The following TNS3 variants were observed in gnomAD, a reference collection of about 807,000 sequenced individuals.
TNS3 encodes tensin 3.
Under a neutral mutation model 140.9 loss-of-function variants are expected in TNS3, and 45 were observed. The ratio of observed to expected loss-of-function variants is 0.32; its 90% confidence interval spans 0.25 to 0.41. The LOEUF (loss-of-function observed/expected upper bound fraction) is 0.41. TNS3 is among the 10% of genes least tolerant of loss of function. TNS3 has a pLI of 1.00. For missense variants in TNS3, 1,716 were observed against 1,906.7 expected (o/e 0.90, Z 1.86); for synonymous variants, 815 against 788.4 (o/e 1.03, Z -0.56).
At chr7:47,309,398 C>CA (rs962763711) in intron 20 of TNS3, among the ~76,000 whole-genome samples, 130 of 145,284 alleles carry the variant, frequency 8.9e-4, no homozygotes, top group Non-Finnish European at 1.2e-3. Context: ...TGAAAAAGAG[C>CA]AAAAAAAAAA....
In TNS3 at chr7:47,378,713, T is replaced by C. The variant is rs868284446; in HGVS notation, c.1025-9092A>G. 7.8e-3 allele frequency among the ~76,000 whole-genome samples: 1,181 copies of C among 152,134 alleles called. 19 individuals are homozygous for C. The highest frequency in any genetic ancestry group is 0.027 in the African/African-American group (1,120 of 41,512). On this transcript the variant is annotated intron_variant, in intron 16 of 30. Coordinates refer to ENST00000311160, the MANE Select transcript of TNS3 (RefSeq NM_022748.12). ...TGCTTAACCCACAAGGTTAGGGGGA[T>C]TGCAAGGGACCGAAGCATGTCCAAG...
chr7:47,339,517 T>G (rs1341127119), intron 20 of TNS3, among the ~76,000 whole-genome samples: 2 of 152,194 alleles, frequency 1.3e-5, no homozygotes, highest in Admixed American at 6.5e-5. Context: ...TAGGCCTGTT[T>G]CTGGGTTCTC....
At chr7:47,370,448 C>T (rs1790994905) in intron 16 of TNS3, among the ~76,000 whole-genome samples, 1 of 152,198 alleles carries the variant, frequency 6.6e-6, no homozygotes, top group Non-Finnish European at 1.5e-5. Flanking sequence ...TGAGGCTGAC[C>T]TGCATGCGCT....
intron 1 of TNS3, among the ~76,000 whole-genome samples, chr7:47,550,471 T>C (rs796911109): frequency 8.5e-5 from 13 of 152,264 alleles, no homozygotes; most frequent in African/African-American, 3.1e-4. Flanking sequence ...CCCAACCTCA[T>C]GTAAGCAAGA....
chr7:47,411,646 TA>T, intron 13 of TNS3, 80 bp downstream of exon 13: 1 of 1,448,330 alleles, frequency 6.9e-7, no homozygotes, highest in South Asian at 1.2e-5. Flanking sequence ...GTTACTGTTT[TA>T]ACACAGAATC....
chr7:47,322,085 A>C (rs1349882469), intron 20 of TNS3, among the ~76,000 whole-genome samples: 1 of 152,146 alleles, frequency 6.6e-6, no homozygotes, highest in Non-Finnish European at 1.5e-5. Flanking sequence ...AGCATCCCTC[A>C]GAACTGGTCC....
At chr7:47,426,418 A>G (rs183395278) in intron 9 of TNS3, among the ~76,000 whole-genome samples, 1 of 152,376 alleles carries the variant, frequency 6.6e-6, no homozygotes, top group East Asian at 1.9e-4. Context: ...ATAAAATGAT[A>G]TTAATGTAGA....
intron 8 of TNS3, among the ~76,000 whole-genome samples, chr7:47,432,701 G>T (rs891687670): frequency 1.3e-5 from 2 of 152,212 alleles, no homozygotes; most frequent in Admixed American, 6.5e-5. Context: ...TGCATTGTGG[G>T]TGGAAGCAGC....
intron 2 of TNS3, among the ~76,000 whole-genome samples, chr7:47,510,683 G>C (rs1288728598): frequency 6.6e-6 from 1 of 151,960 alleles, no homozygotes; most frequent in East Asian, 1.9e-4. Context: ...AGACTAGCCT[G>C]GCCAACATAG....
At chr7:47,298,545 G>GA (rs896282984) in intron 23 of TNS3, among the ~76,000 whole-genome samples, 26 of 152,314 alleles carry the variant, frequency 1.7e-4, no homozygotes, top group African/African-American at 5.8e-4. Context: ...TTAAAAAAGG[G>GA]AAAACTGGGG....
intron 4 of TNS3, among the ~76,000 whole-genome samples, chr7:47,460,575 C>T (rs1002290772): frequency 4.6e-5 from 7 of 152,212 alleles, no homozygotes; most frequent in South Asian, 2.1e-4. Context: ...TGCCGCCCTG[C>T]GCTCCCCTCA....
intron 16 of TNS3, among the ~76,000 whole-genome samples, chr7:47,386,672 G>A (rs572192532): frequency 2.6e-5 from 4 of 152,314 alleles, no homozygotes; most frequent in Middle Eastern, 6.8e-3. Context: ...CCTGGCATGC[G>A]TCCCCATCCA....
intron 3 of TNS3, among the ~76,000 whole-genome samples, chr7:47,496,416 G>A (rs765430641): frequency 3.9e-5 from 6 of 152,148 alleles, no homozygotes; most frequent in Non-Finnish European, 7.4e-5. Flanking sequence ...GAGCCAAATG[G>A]CATTTTCAGG....
chr7:47,441,879 G>T, intron 5 of TNS3, 124 bp downstream of exon 5: 1 of 736,390 alleles, frequency 1.4e-6, no homozygotes, highest in Non-Finnish European at 2.1e-6. Flanking sequence ...GATTGGCAAT[G>T]TTTACAACCA....
chr7:47,415,827 C>T (rs1467838738), intron 10 of TNS3, among the ~76,000 whole-genome samples: 2 of 152,242 alleles, frequency 1.3e-5, no homozygotes, highest in African/African-American at 2.4e-5. Context: ...TTCTAGGAGT[C>T]GGCCTCATGC....
rs182997681 is a variant in TNS3, at chr7:47,519,975, C to T, written c.-153+9061G>A. Among the ~76,000 whole-genome samples the T allele has an allele frequency of 2.1e-4, 32 of 152,064 alleles. 1 individual carries two copies. The East Asian group carries it at 6.0e-3, about 28-fold the overall frequency. On this transcript the variant is annotated intron_variant, in intron 2 of 30. Coordinates refer to ENST00000311160, the MANE Select transcript of TNS3 (RefSeq NM_022748.12). ...AGTAGCTGGGACTACAGGCGCCCGC[C>T]ACCACACCTGCTAATTTTTTGTGTT... is the stretch of plus-strand genomic sequence containing the variant.
rs149324527 is a variant in TNS3, at chr7:47,420,635, C to T, written c.473+3466G>A. Among the ~76,000 whole-genome samples the T allele has an allele frequency of 1.3e-4, 20 of 152,340 alleles. No individual in the cohort carries two copies. In the East Asian group the frequency reaches 3.9e-3, roughly 29 times the overall value. ...CACAAGACATGGGAAGTGGGCCAGCCTATAAAGTCTAGGACCAAGGTTAAA... is the reference window on the plus strand; with the variant it reads ...CACAAGACATGGGAAGTGGGCCAGCTTATAAAGTCTAGGACCAAGGTTAAA... On this transcript the variant is annotated intron_variant, in intron 10 of 30. Coordinates refer to ENST00000311160, the MANE Select transcript of TNS3 (RefSeq NM_022748.12).
intron 17 of TNS3, among the ~76,000 whole-genome samples, chr7:47,354,094 G>T (rs921008030): frequency 2.6e-5 from 4 of 151,218 alleles, no homozygotes; most frequent in Admixed American, 2.6e-4. Flanking sequence ...TTTGAACAAT[G>T]AAATCATGAA....
At chr7:47,539,654 T>A (rs761194776) in intron 1 of TNS3, 2 of 161,778 alleles carry the variant, frequency 1.2e-5, no homozygotes, top group Non-Finnish European at 2.7e-5. Flanking sequence ...CCGCCCCCCA[T>A]CTGACCTCCC....
Sources: gnomAD v4.1 joint callset for allele counts (sites outside exome capture counted in the v4.1 genomes callset) on GRCh38, gnomAD v4.1.1 for gene constraint, MANE v1.5 for transcripts, NCBI Gene and HGNC (gene_info 2026-07-23, HGNC 2026-07-21) for gene names.